The following PMS1 variants were observed in gnomAD, a reference collection of about 807,000 sequenced individuals.
PMS1 encodes PMS1 protein homolog 1.
PMS1 carries 79 observed loss-of-function variants against 93.1 expected under a neutral mutation model. The observed-to-expected ratio is 0.85, with a 90% CI of 0.71 to 1.02. PMS1 has a LOEUF of 1.02. Ranked by LOEUF, PMS1 falls within the 50% of genes least tolerant of loss-of-function variation. The pLI is 0.00. For missense variants in PMS1, 1,064 were observed against 1,085.3 expected, an observed-to-expected ratio of 0.98 and a Z score of 0.28; for synonymous variants, 335 against 363.4, an observed-to-expected ratio of 0.92 and a Z score of 0.89.
intron 5 of PMS1, among the ~76,000 whole-genome samples, chr2:189,830,605 A>G (rs184286707): frequency 1.3e-5 from 2 of 152,242 alleles, no homozygotes; most frequent in East Asian, 3.9e-4. Context: ...AATTTCCTTG[A>G]AGGGAAGGAC....
At chr2:189,844,414 CAG>C (rs1012442678) in intron 6 of PMS1, among the ~76,000 whole-genome samples, 1 of 152,092 alleles carries the variant, frequency 6.6e-6, no homozygotes, top group African/African-American at 2.4e-5. Context: ...AAGTCCGGGG[CAG>C]GCAGATGACG....
At chr2:189,845,771 C>T (rs1575237000) in intron 6 of PMS1, among the ~76,000 whole-genome samples, 1 of 152,156 alleles carries the variant, frequency 6.6e-6, no homozygotes, top group Middle Eastern at 3.4e-3. Flanking sequence ...CGCTTTATCA[C>T]CCAGGCTGAA....
chr2:189,785,738 G>T (rs1480926034), intron 1 of PMS1, among the ~76,000 whole-genome samples: 1 of 125,512 alleles, frequency 8.0e-6, no homozygotes, highest in African/African-American at 2.9e-5. Context: ...AAGGCTTGAA[G>T]AGTTGATACT....
At chr2:189,801,157 A>G (rs919846232) in intron 3 of PMS1, among the ~76,000 whole-genome samples, 1 of 152,212 alleles carries the variant, frequency 6.6e-6, no homozygotes, top group Non-Finnish European at 1.5e-5. Context: ...TGTGCCCTGC[A>G]GGCATTCTTT....
intron 2 of PMS1, among the ~76,000 whole-genome samples, chr2:189,792,286 T>C (rs2048934058): frequency 6.6e-6 from 1 of 152,172 alleles, no homozygotes; most frequent in South Asian, 2.1e-4. Context: ...TTCAAACCAT[T>C]TCCCTTGTTA....
intron 5 of PMS1, among the ~76,000 whole-genome samples, chr2:189,835,812 C>T (rs1378783571): frequency 6.6e-6 from 1 of 150,652 alleles, no homozygotes; most frequent in African/African-American, 2.5e-5. Context: ...CCTGTAGTCC[C>T]AGCTAATCGG....
intron 5 of PMS1, among the ~76,000 whole-genome samples, chr2:189,819,767 T>C (rs1364603831): frequency 6.6e-6 from 1 of 152,198 alleles, no homozygotes; most frequent in Non-Finnish European, 1.5e-5. Flanking sequence ...CTGGATGTTA[T>C]CTCTGTTGGA....
At chr2:189,799,719 G>A (rs1238479313) in intron 3 of PMS1, among the ~76,000 whole-genome samples, 2 of 152,170 alleles carry the variant, frequency 1.3e-5, no homozygotes, top group African/African-American at 4.8e-5. Context: ...AAGAGTGTTG[G>A]TGACTCACCC....
chr2:189,821,574 C>T (rs1367799436), intron 5 of PMS1, among the ~76,000 whole-genome samples: 2 of 151,944 alleles, frequency 1.3e-5, no homozygotes, highest in South Asian at 2.1e-4. Context: ...CTTGGGAGGC[C>T]GAGGTGGGTG....
At chr2:189,851,386 G>A (rs977540797) in intron 6 of PMS1, among the ~76,000 whole-genome samples, 5 of 152,104 alleles carry the variant, frequency 3.3e-5, no homozygotes, top group Non-Finnish European at 5.9e-5. Flanking sequence ...CCCAGCAGGT[G>A]CTTTAAGAAG....
intron 4 of PMS1, among the ~76,000 whole-genome samples, chr2:189,809,044 G>A (rs993103052): frequency 2.0e-5 from 3 of 151,988 alleles, no homozygotes; most frequent in Non-Finnish European, 4.4e-5. Flanking sequence ...GTATTTAAAG[G>A]GCTGTGATCA....
At chr2:189,817,389 A>G (rs745311482) in intron 4 of PMS1, among the ~76,000 whole-genome samples, 41 of 152,214 alleles carry the variant, frequency 2.7e-4, no homozygotes, top group Non-Finnish European at 8.8e-5. Context: ...CCTATCGTAT[A>G]TGGCTATGAC....
At chr2:189,796,455 C>T (rs1202340710) in intron 3 of PMS1, among the ~76,000 whole-genome samples, 8 of 152,098 alleles carry the variant, frequency 5.3e-5, no homozygotes, top group East Asian at 1.9e-4. Flanking sequence ...GTCACATTGT[C>T]GTGTATCTAT....
At chr2:189,844,952 G>A (rs924070645) in intron 6 of PMS1, among the ~76,000 whole-genome samples, 3 of 151,738 alleles carry the variant, frequency 2.0e-5, no homozygotes, top group African/African-American at 7.3e-5. Flanking sequence ...CCATCTCCTG[G>A]GTTCAAGTGA....
Position 189,855,058 on chromosome 2 carries a change from A to G in PMS1, c.1786A>G (p.Thr596Ala). Reference protein sequence around the residue: ...RPQFLIENPKTSLEDATLQIE... With the variant: ...RPQFLIENPKASLEDATLQIE... ...TCAGTTTCTCATAGAAAATCCTAAG[A>G]CTAGTTTAGAGGATGCAACACTACA... The change falls in exon 9 of 13, where the codon ACT becomes GCT. Residue 596 changes from threonine to alanine, a missense_variant. Transcript: ENST00000441310. The G allele has an allele frequency of 6.2e-7, 1 of 1,613,252 alleles. No homozygotes were observed. Among genetic ancestry groups the G allele is most frequent in the Non-Finnish European group, 8.5e-7 (1 of 1,179,312 alleles).
intron 4 of PMS1, among the ~76,000 whole-genome samples, chr2:189,817,375 T>C (rs892651951): frequency 1.3e-5 from 2 of 152,238 alleles, no homozygotes; most frequent in Non-Finnish European, 2.9e-5. Context: ...TATGTACCTA[T>C]GTACCTATCG....
At chr2:189,868,629 G>A (rs1025180973) in intron 11 of PMS1, among the ~76,000 whole-genome samples, 1 of 152,120 alleles carries the variant, frequency 6.6e-6, no homozygotes, top group Non-Finnish European at 1.5e-5. Flanking sequence ...CTCCCTTCCT[G>A]CCTCTAAACT....
chr2:189,846,880 G>A (rs1454005179), intron 6 of PMS1, among the ~76,000 whole-genome samples: 1 of 127,968 alleles, frequency 7.8e-6, no homozygotes, highest in Non-Finnish European at 1.6e-5. Flanking sequence ...TTTTTTTTCT[G>A]AGACAGTCTC....
At chr2:189,846,912 A>G (rs1350417575) in intron 6 of PMS1, among the ~76,000 whole-genome samples, 5 of 150,560 alleles carry the variant, frequency 3.3e-5, no homozygotes, top group African/African-American at 1.2e-4. Context: ...CCCAGGCTGA[A>G]GTGCAGTGGT....
Sources: gnomAD v4.1 joint callset for allele counts (sites outside exome capture counted in the v4.1 genomes callset) on GRCh38, gnomAD v4.1.1 for gene constraint, MANE v1.5 for transcripts, NCBI Gene and HGNC (gene_info 2026-07-23, HGNC 2026-07-21) for gene names.